BNC1: variants seen among roughly 807,000 people sequenced by gnomAD.
BNC1 encodes basonuclin zinc finger protein 1.
Under a neutral mutation model 66.5 loss-of-function variants are expected in BNC1, and 8 were observed. The ratio of observed to expected loss-of-function variants is 0.12; its 90% CI spans 0.07 to 0.22. The LOEUF is 0.22. Among genes scored for constraint, BNC1 ranks in the 10% least tolerant of loss-of-function variants. BNC1 has a pLI of 1.00. For missense variants in BNC1, 1,069 were observed against 1,241.3 expected, an observed-to-expected ratio of 0.86 and a Z score of 2.09; for synonymous variants, 454 against 452.6, an observed-to-expected ratio of 1.00 and a Z score of -0.04.
intron 1 of BNC1, among the ~76,000 whole-genome samples, chr15:83,274,347 T>C (rs1002057588): frequency 2.6e-5 from 4 of 152,212 alleles, no homozygotes; most frequent in African/African-American, 9.6e-5. Context: ...ATCGCGCCAC[T>C]GCACTCCAGC....
At chr15:83,262,362 T>C (rs1240671466) in intron 4 of BNC1, among the ~76,000 whole-genome samples, 2 of 152,182 alleles carry the variant, frequency 1.3e-5, no homozygotes, top group African/African-American at 4.8e-5. Context: ...TAGTTCATGA[T>C]TTCTTATCCC....
chr15:83,284,188 G>C (rs11637706), intron 1 of BNC1, among the ~76,000 whole-genome samples: 3 of 152,126 alleles, frequency 2.0e-5, no homozygotes, highest in Non-Finnish European at 4.4e-5. Context: ...GCGGGCGGCA[G>C]AGAGTGGCGT....
intron 3 of BNC1, 129 bp downstream of exon 3, chr15:83,266,707 G>A: frequency 1.2e-6 from 1 of 824,766 alleles, no homozygotes. Context: ...TAGGCCATTA[G>A]AAAAGAAGTA....
At chr15:83,283,908 T>TTTG (rs928334559) in intron 1 of BNC1, among the ~76,000 whole-genome samples, 14 of 152,100 alleles carry the variant, frequency 9.2e-5, no homozygotes, top group Admixed American at 2.6e-4. Context: ...TGTTTTGTTT[T>TTTG]TTGTTGTTGT....
At chr15:83,282,971 CGT>C (rs2038395040) in intron 1 of BNC1, among the ~76,000 whole-genome samples, 1 of 152,096 alleles carries the variant, frequency 6.6e-6, no homozygotes, top group Non-Finnish European at 1.5e-5. Context: ...TGAGACCAGG[CGT>C]CTGGGCCGCT....
intron 1 of BNC1, chr15:83,283,405 G>T (rs1239505429): frequency 3.3e-6 from 4 of 1,221,942 alleles, no homozygotes; most frequent in Non-Finnish European, 4.1e-6. Flanking sequence ...CTCCTTCTCC[G>T]CCCGCGGCCC....
intron 4 of BNC1, among the ~76,000 whole-genome samples, chr15:83,260,843 C>G (rs1016367988): frequency 3.3e-5 from 5 of 152,294 alleles, no homozygotes; most frequent in African/African-American, 1.2e-4. Context: ...GAAATGGTGT[C>G]AGGTCTGGGC....
At chr15:83,284,495 A>G in intron 1 of BNC1, 35 bp downstream of exon 1, 1 of 1,191,566 alleles carries the variant, frequency 8.4e-7, no homozygotes, top group Non-Finnish European at 1.1e-6. Flanking sequence ...CCGCGCACAG[A>G]GAATCCCCGC....
chr15:83,257,464 G>A lies in BNC1; in HGVS notation c.2963C>T (p.Ser988Leu). Residue 988 changes from serine to leucine, a missense_variant, in exon 5 of 5, where the codon TCA becomes TTA. Coordinates refer to ENST00000345382, the MANE Select transcript of BNC1 (RefSeq NM_001717.4). ...QNPNLHKSLA[S>L]SPSHLQ is the part of the protein sequence containing the mutation. ...TTGTTACTGGAGGTGACTTGGAGATGAGGCCAGGCTTTTGTGCAGGTTGGG... is the reference window on the plus strand; with the variant it reads ...TTGTTACTGGAGGTGACTTGGAGATAAGGCCAGGCTTTTGTGCAGGTTGGG... The A allele has an allele frequency of 6.2e-7, 1 of 1,612,792 alleles. No homozygotes were observed. Among genetic ancestry groups the A allele is most frequent in the South Asian group, 1.1e-5 (1 of 90,946 alleles).
chr15:83,260,981 G>A (rs1221940677), intron 4 of BNC1, among the ~76,000 whole-genome samples: 1 of 152,146 alleles, frequency 6.6e-6, no homozygotes, highest in African/African-American at 2.4e-5. Context: ...TGTGGTGGGG[G>A]AAGGCTCGGA....
At chr15:83,281,764 C>T (rs1475126288) in intron 1 of BNC1, among the ~76,000 whole-genome samples, 1 of 152,246 alleles carries the variant, frequency 6.6e-6, no homozygotes, top group African/African-American at 2.4e-5. Context: ...CCTAGGCATT[C>T]ATAAATGACA....
chr15:83,264,616 C>T lies in BNC1; in HGVS notation c.635G>A (p.Ser212Asn). Reference protein sequence around the residue: ...VDIRAFIESCSHRSSSLPTPV... With the variant: ...VDIRAFIESCNHRSSSLPTPV... ...AGTGGGGAGGCTAGAACTCCTGTGA[C>T]TGCAGCTCTCGATGAAAGCCCTGAT... The change falls in exon 4 of 5, where the codon AGT becomes AAT. Residue 212 changes from serine (S) to asparagine (N), a missense_variant. This residue lies in a region of BNC1 where 181 missense variants were observed against 181.5 expected (regional missense o/e 1.00). Coordinates refer to ENST00000345382, the MANE Select transcript of BNC1 (RefSeq NM_001717.4). The T allele has an allele frequency of 6.2e-7, 1 of 1,614,122 alleles. No individual in the cohort carries two copies. Among genetic ancestry groups the T allele is most frequent in the South Asian group, 1.1e-5 (1 of 91,054 alleles).
intron 1 of BNC1, among the ~76,000 whole-genome samples, 169 bp from the exon 2 acceptor site, chr15:83,268,401 C>T (rs991414430): frequency 1.3e-5 from 2 of 152,188 alleles, no homozygotes; most frequent in African/African-American, 4.8e-5. Flanking sequence ...GATGAGCAGC[C>T]ACCCCTGCAC....
intron 1 of BNC1, among the ~76,000 whole-genome samples, 155 bp from the exon 2 acceptor site, chr15:83,268,387 G>A (rs1203280703): frequency 6.6e-6 from 1 of 152,194 alleles, no homozygotes; most frequent in Non-Finnish European, 1.5e-5. Context: ...TTGTACTCTG[G>A]AAAGATGAGC....
chr15:83,283,549 G>C (rs1383386482), intron 1 of BNC1: 9 of 979,570 alleles, frequency 9.2e-6, no homozygotes, highest in Non-Finnish European at 1.1e-5. Flanking sequence ...CGGGGGCCGG[G>C]GGCTTCCCGT....
chr15:83,269,734 C>G (rs1272073736), intron 1 of BNC1, among the ~76,000 whole-genome samples: 1 of 151,910 alleles, frequency 6.6e-6, no homozygotes, highest in Non-Finnish European at 1.5e-5. Context: ...GTTGTATACC[C>G]AAAATAACCA....
intron 1 of BNC1, among the ~76,000 whole-genome samples, chr15:83,278,956 A>C (rs1374167737): frequency 6.6e-6 from 1 of 152,206 alleles, no homozygotes; most frequent in African/African-American, 2.4e-5. Context: ...GGAAAAAAGT[A>C]AAGTATGAAC....
At chr15:83,260,133 TTTCA>T (rs1479354516) in intron 4 of BNC1, among the ~76,000 whole-genome samples, 2 of 152,312 alleles carry the variant, frequency 1.3e-5, no homozygotes, top group South Asian at 2.1e-4. Flanking sequence ...CCTTTTTCAC[TTTCA>T]TTGTCTCATG....
intron 4 of BNC1, among the ~76,000 whole-genome samples, chr15:83,258,441 T>C (rs973007559): frequency 2.0e-5 from 3 of 152,194 alleles, no homozygotes; most frequent in Non-Finnish European, 4.4e-5. Flanking sequence ...GAGCTCACTG[T>C]TTCAGAGCTA....
Sources: allele counts gnomAD v4.1 joint callset (sites outside exome capture counted in the v4.1 genomes callset), GRCh38; gene constraint gnomAD v4.1.1; regional missense constraint gnomAD v4.1.1; transcripts MANE v1.5; gene names NCBI Gene and HGNC (gene_info 2026-07-23, HGNC 2026-07-21).